SYNE1: variants seen among roughly 807,000 people sequenced by gnomAD.
SYNE1 encodes nesprin-1.
Under a neutral mutation model 1,111.0 loss-of-function variants are expected in SYNE1, and 616 were observed. The ratio of observed to expected loss-of-function variants is 0.55; its 90% CI spans 0.52 to 0.59. The LOEUF (loss-of-function observed/expected upper bound fraction) is 0.59, where lower values mean the gene tolerates loss of function less well. Ranked by LOEUF, SYNE1 falls within the 20% of genes least tolerant of loss-of-function variation. The pLI is 0.00. For missense variants in SYNE1, 10,006 were observed against 10,417.0 expected (o/e 0.96, Z 1.72); for synonymous variants, 3,855 against 3,825.8 (o/e 1.01, Z -0.28).
chr6:152,315,202 T>TC (rs1423852543), intron 87 of SYNE1: 2 of 126,408 alleles, frequency 1.6e-5, no homozygotes, highest in Non-Finnish European at 3.3e-5. Flanking sequence ...AGTAACTTTT[T>TC]TTTTTTTTTT....
intron 3 of SYNE1, among the ~76,000 whole-genome samples, chr6:152,552,265 G>A (rs1435053338): frequency 6.6e-6 from 1 of 152,028 alleles, no homozygotes; most frequent in African/African-American, 2.4e-5. Flanking sequence ...AAGTTTGGTC[G>A]TTGCTTTTCA....
At chr6:152,536,454 T>G (rs990935231) in intron 4 of SYNE1, among the ~76,000 whole-genome samples, 27 of 139,710 alleles carry the variant, frequency 1.9e-4, no homozygotes, top group East Asian at 4.0e-4. Context: ...GTAATATATA[T>G]TTATATATAT....
rs2084014589 is a variant in SYNE1, at chr6:152,236,277, G to A, written c.20226C>T (p.Tyr6742=). The A allele has an allele frequency of 6.2e-7, 1 of 1,613,592 alleles. No individual in the cohort carries two copies. The highest frequency in any genetic ancestry group is 1.3e-5 in the African/African-American group (1 of 74,864). The part of the protein sequence containing the change: ...YQHLKSSLNE[Y]QPKLYQVLDD... ...CTAATACTTGATATAATTTGGGCTGGTATTCATTAAGGCTAGATTTTAAAT... is the reference window on the plus strand; with the variant it reads ...CTAATACTTGATATAATTTGGGCTGATATTCATTAAGGCTAGATTTTAAAT... The change falls in exon 110 of 146, where the codon TAC becomes TAT. Residue 6742 remains tyrosine, a synonymous_variant. Transcript: ENST00000367255.
At chr6:152,183,943 CACTGACTA>C (rs67593507) in intron 128 of SYNE1, among the ~76,000 whole-genome samples, 49,864 of 151,696 alleles carry the variant, frequency 0.33, 8,186 homozygotes, top group South Asian at 0.41. Flanking sequence ...GTTCATCCAT[CACTGACTA>C]ACTGCATGAT....
intron 3 of SYNE1, among the ~76,000 whole-genome samples, chr6:152,544,878 C>T (rs534654353): frequency 6.6e-6 from 1 of 152,200 alleles, no homozygotes; most frequent in Admixed American, 6.5e-5. Flanking sequence ...CCATTGCAAT[C>T]AATCACAAAT....
chr6:152,380,945 G>T, intron 56 of SYNE1, 61 bp downstream of exon 56: 1 of 1,526,526 alleles, frequency 6.6e-7, no homozygotes, highest in Non-Finnish European at 9.1e-7. Context: ...TTTAAGGAAT[G>T]ATGAAAGTCA....
At chr6:152,584,363 G>A (rs1002367372) in intron 3 of SYNE1, among the ~76,000 whole-genome samples, 4 of 152,154 alleles carry the variant, frequency 2.6e-5, no homozygotes, top group Admixed American at 1.3e-4. Flanking sequence ...AATCTAAGTA[G>A]AGATAACCCA....
At chr6:152,234,582 C>T (rs2083558264) in intron 111 of SYNE1, 86 bp downstream of exon 111, 1 of 1,540,750 alleles carries the variant, frequency 6.5e-7, no homozygotes, top group South Asian at 1.1e-5. Context: ...TGAGCCACCG[C>T]ACCCGGCCTG....
intron 106 of SYNE1, 129 bp from the exon 107 acceptor site, chr6:152,242,569 A>G: frequency 1.1e-6 from 1 of 914,480 alleles, no homozygotes; most frequent in East Asian, 2.6e-5. Flanking sequence ...TGCCTCCTGG[A>G]AACGCTCTAC....
At chr6:152,606,162 A>AG (rs913864041) in intron 3 of SYNE1, among the ~76,000 whole-genome samples, 154 of 152,280 alleles carry the variant, frequency 1.0e-3, no homozygotes, top group African/African-American at 3.4e-3. Context: ...TGTGGCAAGA[A>AG]GGGGATCTCA....
At chr6:152,373,728 A>G (rs2348551) in intron 58 of SYNE1, among the ~76,000 whole-genome samples, 106,296 of 152,120 alleles carry the variant, frequency 0.7, 37,678 homozygotes, top group African/African-American at 0.83. Flanking sequence ...GGTGGTGAGC[A>G]ATCTCATAAA....
intron 93 of SYNE1, among the ~76,000 whole-genome samples, chr6:152,295,854 T>C (rs1254820872): frequency 6.6e-6 from 1 of 152,230 alleles, no homozygotes; most frequent in Admixed American, 6.5e-5. Context: ...CTGGCTTTGT[T>C]GACTTTCTCT....
intron 98 of SYNE1, among the ~76,000 whole-genome samples, chr6:152,270,718 G>A (rs886917399): frequency 6.6e-6 from 1 of 152,206 alleles, no homozygotes; most frequent in South Asian, 2.1e-4. Flanking sequence ...GAGGGCCCTG[G>A]TGGGGAGTTA....
At chr6:152,541,861 G>A (rs780309925) in intron 3 of SYNE1, among the ~76,000 whole-genome samples, 1 of 151,450 alleles carries the variant, frequency 6.6e-6, no homozygotes, top group African/African-American at 2.4e-5. Flanking sequence ...CTCACTAACC[G>A]GGTGACGAGA....
Position 152,256,662 on chromosome 6 carries a change from T to C in SYNE1, c.19076A>G (p.Asn6359Ser). 1 of 1,613,912 alleles carries C rather than the reference T, an allele frequency of 6.2e-7. No homozygotes were observed. The highest frequency in any genetic ancestry group is 8.5e-7 in the Non-Finnish European group (1 of 1,179,864). Residue 6359 changes from asparagine to serine, a missense_variant, in exon 102 of 146, where the codon AAC becomes AGC. Transcript: ENST00000367255. ...SAVTSLLDGL[N>S]QAFEEVSSQS... ...GGATGAAACCTCCTCGAAGGCTTGG[T>C]TCAGTCCATCCAGCAAAGATGTAAC...
intron 60 of SYNE1, 89 bp from the exon 61 acceptor site, chr6:152,369,216 C>A: frequency 6.5e-7 from 1 of 1,548,674 alleles, no homozygotes. Context: ...GAAATCAACA[C>A]TGGCAGGCAG....
chr6:152,141,998 G>C (rs2152817893), intron 138 of SYNE1, among the ~76,000 whole-genome samples: 1 of 152,136 alleles, frequency 6.6e-6, no homozygotes, highest in East Asian at 1.9e-4. Context: ...TTGAGCCCAG[G>C]AATTCAGCTG....
chr6:152,320,723 G>T (rs773690990), intron 84 of SYNE1, among the ~76,000 whole-genome samples: 2 of 152,054 alleles, frequency 1.3e-5, no homozygotes, highest in Non-Finnish European at 2.9e-5. Context: ...CTTTTCCTTG[G>T]GTGTTTAGAA....
At chr6:152,381,571 C>T (rs145338376) in intron 55 of SYNE1, 103 of 603,006 alleles carry the variant, frequency 1.7e-4, no homozygotes, top group African/African-American at 1.6e-3. Flanking sequence ...AAAAAAATCC[C>T]GAGAATCCTC....
Sources: gnomAD v4.1 joint callset for allele counts (sites outside exome capture counted in the v4.1 genomes callset) on GRCh38, gnomAD v4.1.1 for gene constraint, MANE v1.5 for transcripts, NCBI Gene and HGNC (gene_info 2026-07-23, HGNC 2026-07-21) for gene names.